GLIS3: variants seen among roughly 807,000 people sequenced by gnomAD.
The protein encoded by GLIS3 is zinc finger protein GLIS3.
Under a neutral mutation model 78.6 loss-of-function variants are expected in GLIS3, and 53 were observed. The ratio of observed to expected loss-of-function variants is 0.67; its 90% CI spans 0.54 to 0.85. The LOEUF (loss-of-function observed/expected upper bound fraction) is 0.85, where lower values mean the gene tolerates loss of function less well. Ranked by LOEUF, GLIS3 falls within the 40% of genes least tolerant of loss-of-function variation. The pLI, the probability that GLIS3 is intolerant of heterozygous loss-of-function variation, is 0.00. For missense variants in GLIS3, 1,703 were observed against 1,231.1 expected (o/e 1.38, Z -5.74); for synonymous variants, 684 against 509.9 (o/e 1.34, Z -4.60).
chr9:3,943,681 A>G (rs1007826281), intron 4 of GLIS3, among the ~76,000 whole-genome samples: 3 of 152,148 alleles, frequency 2.0e-5, no homozygotes, highest in Non-Finnish European at 4.4e-5. Flanking sequence ...TCCTACAACA[A>G]TCTTCAAAGT....
intron 2 of GLIS3, among the ~76,000 whole-genome samples, chr9:4,272,884 C>T (rs1034500312): frequency 2.6e-5 from 4 of 152,110 alleles, no homozygotes; most frequent in African/African-American, 9.7e-5. Context: ...TTAATAGGGC[C>T]TCATTTAAGT....
chr9:4,125,145 A>C (rs189366571), intron 3 of GLIS3, among the ~76,000 whole-genome samples: 18 of 152,340 alleles, frequency 1.2e-4, no homozygotes, highest in African/African-American at 3.6e-4. Context: ...TATGTAACTC[A>C]AACACAAAAG....
chr9:4,211,281 T>G (rs1820349477), intron 2 of GLIS3, among the ~76,000 whole-genome samples: 1 of 152,214 alleles, frequency 6.6e-6, no homozygotes, highest in Non-Finnish European at 1.5e-5. Flanking sequence ...TGGCTCCACT[T>G]TAATAAAATG....
intron 2 of GLIS3, among the ~76,000 whole-genome samples, chr9:4,319,247 T>C (rs1817484012): frequency 6.6e-6 from 1 of 152,212 alleles, no homozygotes; most frequent in Non-Finnish European, 1.5e-5. Flanking sequence ...ACTGTGGTTA[T>C]GTTAGAAAAT....
At chr9:4,385,771 A>AAGAC in the GLIS3 span, among the ~76,000 whole-genome samples, 1 of 68,706 alleles carries the variant, frequency 1.5e-5, no homozygotes, top group African/African-American at 7.6e-5. Flanking sequence ...GAAAGAAAGA[A>AAGAC]AGAAAGAAAG....
the GLIS3 span, among the ~76,000 whole-genome samples, chr9:4,369,938 T>C: frequency 6.6e-6 from 1 of 152,178 alleles, no homozygotes; most frequent in African/African-American, 2.4e-5. Flanking sequence ...ATGCCCATAA[T>C]CCCAGCATTT....
At chr9:4,407,469 C>T in the GLIS3 span, among the ~76,000 whole-genome samples, 1 of 152,088 alleles carries the variant, frequency 6.6e-6, no homozygotes, top group East Asian at 1.9e-4. Context: ...CACTGTGAAA[C>T]CCCGTCTCTA....
intron 2 of GLIS3, among the ~76,000 whole-genome samples, chr9:4,183,336 T>C (rs1817495448): frequency 6.6e-6 from 1 of 152,236 alleles, no homozygotes; most frequent in Non-Finnish European, 1.5e-5. Context: ...TCAAAGGTTC[T>C]GAAAGGAACC....
At chr9:4,318,133 G>T (rs1021930572) in intron 2 of GLIS3, among the ~76,000 whole-genome samples, 8 of 152,044 alleles carry the variant, frequency 5.3e-5, no homozygotes, top group African/African-American at 1.9e-4. Context: ...AAATGTATTG[G>T]TATTCTTGGG....
chr9:4,322,243 G>A (rs538059500), intron 2 of GLIS3, among the ~76,000 whole-genome samples: 3 of 152,304 alleles, frequency 2.0e-5, no homozygotes, highest in East Asian at 1.9e-4. Context: ...ATTCCATGGT[G>A]TATATGTGCC....
At chr9:3,882,051 T>C (rs1223001270) in intron 7 of GLIS3, among the ~76,000 whole-genome samples, 1 of 152,244 alleles carries the variant, frequency 6.6e-6, no homozygotes, top group African/African-American at 2.4e-5. Flanking sequence ...ACTGTGTTCT[T>C]TTTATTCTTC....
chr9:4,143,873 T>C (rs1358868898), intron 2 of GLIS3, among the ~76,000 whole-genome samples: 2 of 152,222 alleles, frequency 1.3e-5, no homozygotes, highest in African/African-American at 4.8e-5. Flanking sequence ...CACACTGAAC[T>C]ATCTATGGCG....
At chr9:4,395,550 G>A in the GLIS3 span, among the ~76,000 whole-genome samples, 2 of 152,034 alleles carry the variant, frequency 1.3e-5, no homozygotes, top group South Asian at 4.1e-4. Flanking sequence ...TTTGGTACTG[G>A]TGCCTGGGAA....
the GLIS3 span, among the ~76,000 whole-genome samples, chr9:4,367,237 C>A: frequency 0.92 from 139,874 of 152,140 alleles, 64,390 homozygotes; most frequent in East Asian, 1. Context: ...ATCAGTTGCC[C>A]CTCTCCCTCT....
the GLIS3 span, among the ~76,000 whole-genome samples, chr9:4,385,962 C>T: frequency 2.0e-5 from 3 of 152,290 alleles, no homozygotes; most frequent in African/African-American, 7.2e-5. Context: ...GAGAATGCTT[C>T]AGGACACAAA....
chr9:4,126,498 G>A (rs967381281), intron 2 of GLIS3, among the ~76,000 whole-genome samples: 1 of 152,102 alleles, frequency 6.6e-6, no homozygotes, highest in African/African-American at 2.4e-5. Flanking sequence ...AAAATATCAG[G>A]ATGAGAGAGT....
chr9:4,127,463 A>AAAG (rs1832658590), intron 2 of GLIS3, among the ~76,000 whole-genome samples: 1 of 152,160 alleles, frequency 6.6e-6, no homozygotes, highest in South Asian at 2.1e-4. Flanking sequence ...TTGTGCCTTA[A>AAAG]AAGATCAGTT....
At chr9:4,475,257 A>G in the GLIS3 span, among the ~76,000 whole-genome samples, 7 of 152,354 alleles carry the variant, frequency 4.6e-5, no homozygotes, top group African/African-American at 1.7e-4. Context: ...AGAGGAAAGA[A>G]TAAGATGGAC....
At chr9:4,370,600 A>T in the GLIS3 span, among the ~76,000 whole-genome samples, 1 of 152,206 alleles carries the variant, frequency 6.6e-6, no homozygotes, top group African/African-American at 2.4e-5. Context: ...GGAAGGACAG[A>T]AGAACGGAAG....
Sources: gnomAD v4.1 joint callset for allele counts (sites outside exome capture counted in the v4.1 genomes callset) on GRCh38, gnomAD v4.1.1 for gene constraint, MANE v1.5 for transcripts, NCBI Gene and HGNC (gene_info 2026-07-23, HGNC 2026-07-21) for gene names.